Variants in ZMAT3 observed in about 807,000 individuals in gnomAD.
The protein encoded by ZMAT3 is zinc finger matrin-type 3.
ZMAT3 carries 17 observed loss-of-function variants against 32.3 expected under a neutral mutation model. The ratio of observed to expected loss-of-function variants is 0.53; its 90% CI spans 0.36 to 0.79. ZMAT3 has a LOEUF of 0.79. Ranked by LOEUF, ZMAT3 falls within the 30% of genes least tolerant of loss-of-function variation. ZMAT3 has a pLI of 0.00. For missense variants in ZMAT3, 329 were observed against 359.7 expected (o/e 0.91, Z 0.69); for synonymous variants, 120 against 133.1 (o/e 0.90, Z 0.68).
intron 2 of ZMAT3, among the ~76,000 whole-genome samples, chr3:179,050,574 C>T (rs1219041128): frequency 6.6e-6 from 1 of 152,134 alleles, no homozygotes; most frequent in Non-Finnish European, 1.5e-5. Flanking sequence ...ACTGACACTA[C>T]TCCAAAAGAC....
At chr3:179,059,896 C>T (rs781246803) in intron 2 of ZMAT3, among the ~76,000 whole-genome samples, 2 of 152,116 alleles carry the variant, frequency 1.3e-5, no homozygotes, top group African/African-American at 2.4e-5. Flanking sequence ...GGAAGGTGAC[C>T]GTGTCCACCT....
At position 179,027,766 on chromosome 3, in the gene ZMAT3, T is replaced by C. The variant is rs754220209; in HGVS notation, c.437A>G (p.Asn146Ser). 4 of 1,614,032 alleles carry C rather than the reference T, an allele frequency of 2.5e-6. No homozygotes were observed. The highest frequency in any genetic ancestry group is 3.4e-6 in the Non-Finnish European group (4 of 1,180,026). The change falls in exon 4 of 6, where the codon AAT (asparagine) becomes AGT (serine). Residue 146 changes from asparagine (N) to serine (S), a missense_variant. Asn to Ser is a conservative substitution (Grantham distance 46). Transcript: ENST00000311417. ...GGCATCACAGAGCTTACAGTAATCA[T>C]TCTCCGTGGCCAGGATCACTCGGCC... ...PGGRVILATE[N>S]DYCKLCDASF...
chr3:179,027,775 G>T lies in ZMAT3; in HGVS notation c.428C>A (p.Ala143Asp). The T allele has an allele frequency of 2.5e-6, 4 of 1,613,698 alleles. No homozygotes were observed. Among genetic ancestry groups the T allele is most frequent in the Non-Finnish European group, 3.4e-6 (4 of 1,179,938 alleles). ...GAGCTTACAGTAATCATTCTCCGTG[G>T]CCAGGATCACTCGGCCTCCTGGCTT... is the stretch of plus-strand genomic sequence containing the variant. ...SFKPGGRVIL[A>D]TENDYCKLCD... Residue 143 changes from alanine (A) to aspartate (D), a missense_variant, in exon 4 of 6, where the codon GCC becomes GAC. Ala to Asp is a moderately radical substitution (Grantham distance 126, BLOSUM62 -2). Transcript: ENST00000311417.
At chr3:179,058,889 C>T (rs970607482) in intron 2 of ZMAT3, among the ~76,000 whole-genome samples, 1 of 152,080 alleles carries the variant, frequency 6.6e-6, no homozygotes, top group Admixed American at 6.6e-5. Flanking sequence ...ACTAATAGCC[C>T]TCACTTGGGC....
intron 5 of ZMAT3, among the ~76,000 whole-genome samples, chr3:179,027,208 T>A (rs1718917587): frequency 6.6e-6 from 1 of 152,146 alleles, no homozygotes; most frequent in South Asian, 2.1e-4. Context: ...CAGACTATAG[T>A]GTAAAACCAA....
intron 2 of ZMAT3, among the ~76,000 whole-genome samples, chr3:179,064,265 T>C (rs1213490637): frequency 6.6e-6 from 1 of 152,224 alleles, no homozygotes; most frequent in Non-Finnish European, 1.5e-5. Context: ...ATAACTGAAA[T>C]AATGAAGGTA....
upstream of ZMAT3, chr3:179,071,910 T>TA (rs1350298840): frequency 5.9e-5 from 9 of 152,546 alleles, no homozygotes; most frequent in Non-Finnish European, 1.0e-4. Context: ...GTGGCAGCGG[T>TA]AGCAGTGGCG....
chr3:179,027,840 A>G (rs1229470602), intron 3 of ZMAT3, 28 bp from the exon 4 acceptor site: 3 of 1,574,082 alleles, frequency 1.9e-6, no homozygotes, highest in Non-Finnish European at 2.6e-6. Context: ...AGAAGAAACA[A>G]AGTTAAAAAA....
chr3:179,041,168 ATTAATGAGACACAAGG>A (rs1719904130), intron 2 of ZMAT3, among the ~76,000 whole-genome samples: 1 of 152,212 alleles, frequency 6.6e-6, no homozygotes, highest in Non-Finnish European at 1.5e-5. Flanking sequence ...TATTAGACAG[ATTAATGAGACACAAGG>A]TTAACAAGCA....
chr3:179,069,555 G>A (rs951861349), intron 1 of ZMAT3, among the ~76,000 whole-genome samples: 1 of 152,168 alleles, frequency 6.6e-6, no homozygotes, highest in African/African-American at 2.4e-5. Flanking sequence ...CAATGGAAAT[G>A]TGTACATTAT....
chr3:179,031,024 C>G (rs371926394), intron 2 of ZMAT3, 25 bp from the exon 3 acceptor site: 2 of 1,604,412 alleles, frequency 1.2e-6, no homozygotes, highest in Non-Finnish European at 1.7e-6. Flanking sequence ...AAAATGAGTA[C>G]AGCAGTCCAC....
chr3:179,018,434 A>G lies in ZMAT3; in HGVS notation c.*6583T>C, dbSNP rs1718381984. Reference sequence around the variant, plus strand: ...CATGAGAATATGTTTAAGTTCAAAGAACTGCCAGATGTCTAAAAAAAAAAG... The same window carrying G: ...CATGAGAATATGTTTAAGTTCAAAGGACTGCCAGATGTCTAAAAAAAAAAG... On this transcript the variant is annotated 3_prime_UTR_variant, in exon 6 of 6. Coordinates refer to ENST00000311417, the MANE Select transcript of ZMAT3 (RefSeq NM_022470.4). 6.6e-6 allele frequency: 1 copy of G among 152,102 alleles called. No individual in the cohort carries two copies. Among genetic ancestry groups the G allele is most frequent in the Admixed American group, 6.5e-5 (1 of 15,268 alleles). 9.4% of individuals were successfully genotyped at this position (152,102 alleles called of 1,614,324 possible). A position where few individuals can be genotyped will look rare whatever the true frequency, so the allele number is the denominator to read the frequency against.
At chr3:179,068,046 T>G (rs72622564) in intron 1 of ZMAT3, among the ~76,000 whole-genome samples, 38,899 of 152,006 alleles carry the variant, frequency 0.26, 6,004 homozygotes, top group East Asian at 0.52. Flanking sequence ...CTTGGCACAG[T>G]TCCAACTGCT....
At position 179,067,645 on chromosome 3, in the gene ZMAT3, C is replaced by T. The variant is rs1721488464; in HGVS notation, c.108G>A (p.Gln36=). The change falls in exon 2 of 6, where the codon CAG becomes CAA. Residue 36 remains glutamine (Q), a synonymous_variant. Transcript: ENST00000311417. ...AGGAAGCCTCCTGCCCAAAAGGCTT[C>T]TGTGGTGGAAGCTGCAAGGTTCCTG... ...RSTGTLQLPP[Q]KPFGQEASLP... 2 of 1,614,182 alleles carry T rather than the reference C, an allele frequency of 1.2e-6. No homozygotes were observed. Among genetic ancestry groups the T allele is most frequent in the South Asian group, 2.2e-5 (2 of 91,086 alleles).
In ZMAT3 at chr3:179,025,009, G is replaced by T; in HGVS notation, c.*8C>A. ...AGGAAAAGCTGCTCTATCTTAATAT[G>T]ATAATCACTATACATATCCCAGATT... On this transcript the variant is annotated 3_prime_UTR_variant, in exon 6 of 6. Coordinates refer to ENST00000311417, the MANE Select transcript of ZMAT3 (RefSeq NM_022470.4). The T allele has an allele frequency of 6.2e-7, 1 of 1,613,632 alleles. No homozygotes were observed. The highest frequency in any genetic ancestry group is 1.1e-5 in the South Asian group (1 of 91,026).
rs757144455 is a variant in ZMAT3 at position 179,031,035 on chromosome 3, C to G, written c.271-36G>C. ...AAATAAAATGAGTACAGCAGTCCAC[C>G]CTTATCTGCAGTTTCAGCAATTTCA... On this transcript the variant is annotated intron_variant, in intron 2 of 5. Transcript: ENST00000311417. 18 of 1,569,938 alleles carry G rather than the reference C, an allele frequency of 1.1e-5. No homozygotes were observed. The African/African-American group carries it at 2.3e-4, about 20-fold the overall frequency.
At chr3:179,033,595 T>C (rs1354063121) in intron 2 of ZMAT3, among the ~76,000 whole-genome samples, 1 of 152,126 alleles carries the variant, frequency 6.6e-6, no homozygotes, top group Non-Finnish European at 1.5e-5. Context: ...CAGTGACTTA[T>C]GTCCTCACCC....
chr3:179,059,780 C>T (rs557743193), intron 2 of ZMAT3, among the ~76,000 whole-genome samples: 186 of 152,282 alleles, frequency 1.2e-3, no homozygotes, highest in Non-Finnish European at 2.0e-3. Flanking sequence ...GAGTGGTTGT[C>T]GGCCAACCTC....
intron 2 of ZMAT3, among the ~76,000 whole-genome samples, chr3:179,065,914 AT>A (rs1376843487): frequency 1.3e-5 from 2 of 152,312 alleles, no homozygotes; most frequent in South Asian, 4.1e-4. Flanking sequence ...TCAAAAAAAA[AT>A]AAATAAATAA....
Sources: allele counts gnomAD v4.1 joint callset (sites outside exome capture counted in the v4.1 genomes callset), GRCh38; gene constraint gnomAD v4.1.1; transcripts MANE v1.5; gene names NCBI Gene and HGNC (gene_info 2026-07-23, HGNC 2026-07-21).